PRR5L: variants seen among roughly 807,000 people sequenced by gnomAD.
The protein encoded by PRR5L is proline-rich protein 5-like.
PRR5L carries 21 observed loss-of-function variants against 36.4 expected under a neutral mutation model. That is an observed-to-expected ratio of 0.58 (90% CI 0.41 to 0.83). The LOEUF (loss-of-function observed/expected upper bound fraction) is 0.83. Ranked by LOEUF, PRR5L falls within the 40% of genes least tolerant of loss-of-function variation. The pLI, the probability that PRR5L is intolerant of heterozygous loss-of-function variation, is 0.00. For missense variants in PRR5L, 381 were observed against 473.3 expected, an observed-to-expected ratio of 0.80 and a Z score of 1.81; for synonymous variants, 188 against 197.0, an observed-to-expected ratio of 0.95 and a Z score of 0.38.
chr11:36,391,296 G>T (rs972709769), intron 1 of PRR5L, among the ~76,000 whole-genome samples: 1 of 152,210 alleles, frequency 6.6e-6, no homozygotes, highest in South Asian at 2.1e-4. Flanking sequence ...TTTCCACTAA[G>T]TGCAGCATCT....
intron 1 of PRR5L, among the ~76,000 whole-genome samples, chr11:36,385,377 G>C (rs905016890): frequency 1.3e-5 from 2 of 152,202 alleles, no homozygotes; most frequent in African/African-American, 4.8e-5. Flanking sequence ...TGTTTAACTT[G>C]TATCACAGAA....
At chr11:36,320,750 C>G (rs1260752541) in intron 1 of PRR5L, among the ~76,000 whole-genome samples, 4 of 152,192 alleles carry the variant, frequency 2.6e-5, no homozygotes, top group African/African-American at 9.6e-5. Flanking sequence ...TAGTCTTTTT[C>G]TTACTGTGCA....
At chr11:36,338,531 C>A (rs1157035734) in intron 1 of PRR5L, among the ~76,000 whole-genome samples, 1 of 152,062 alleles carries the variant, frequency 6.6e-6, no homozygotes, top group Non-Finnish European at 1.5e-5. Flanking sequence ...AAGCTAAAAT[C>A]TTTCATTGTT....
chr11:36,401,416 G>A, intron 2 of PRR5L, 131 bp downstream of exon 2: 1 of 888,462 alleles, frequency 1.1e-6, no homozygotes, highest in Non-Finnish European at 1.7e-6. Flanking sequence ...AATGACGAGA[G>A]CAAATTTTCT....
At chr11:36,371,601 A>G (rs1857197652) in intron 1 of PRR5L, among the ~76,000 whole-genome samples, 1 of 152,220 alleles carries the variant, frequency 6.6e-6, no homozygotes, top group Non-Finnish European at 1.5e-5. Flanking sequence ...CATCTACAAA[A>G]GGAGAAAACT....
intron 1 of PRR5L, among the ~76,000 whole-genome samples, chr11:36,392,472 G>A (rs145578173): frequency 2.2e-4 from 34 of 152,106 alleles, no homozygotes; most frequent in Admixed American, 1.2e-3. Flanking sequence ...CATCCTCACC[G>A]GCATTTGCTA....
intron 7 of PRR5L, among the ~76,000 whole-genome samples, chr11:36,449,101 T>C (rs1485785377): frequency 6.6e-6 from 1 of 152,196 alleles, no homozygotes; most frequent in African/African-American, 2.4e-5. Flanking sequence ...ATGTTCTTCC[T>C]TGCCAGGAGC....
chr11:36,399,292 C>T (rs1857737411), intron 1 of PRR5L, among the ~76,000 whole-genome samples: 1 of 152,194 alleles, frequency 6.6e-6, no homozygotes, highest in Non-Finnish European at 1.5e-5. Context: ...CATAAGTCTG[C>T]TTTCCTTAAA....
At position 36,366,413 on chromosome 11, in the gene PRR5L, T is replaced by A. The variant is rs978611912; in HGVS notation, c.-125-34584T>A. Among the ~76,000 whole-genome samples, 37 of 149,216 alleles carry A rather than the reference T, an allele frequency of 2.5e-4. No individual in the cohort carries two copies. The East Asian group carries it at 3.3e-3, about 13-fold the overall frequency. ...AATTCCATATTTGTGTGTGTGTGTG[T>A]GAGAGAGAGAGAGAGAGGACAAAAA... On this transcript the variant is annotated intron_variant, in intron 1 of 8. Transcript: ENST00000530639.
At chr11:36,435,021 T>C (rs1858575630) in intron 5 of PRR5L, among the ~76,000 whole-genome samples, 2 of 152,080 alleles carry the variant, frequency 1.3e-5, no homozygotes, top group Admixed American at 1.3e-4. Context: ...TTCCCCTCCT[T>C]CAGGTCAAGA....
chr11:36,379,681 T>A (rs1857336720), intron 1 of PRR5L, among the ~76,000 whole-genome samples: 3 of 152,216 alleles, frequency 2.0e-5, no homozygotes. Context: ...CAGAAAGCAC[T>A]GTTTTACAAG....
At chr11:36,438,490 AT>A (rs1858651490) in intron 6 of PRR5L, among the ~76,000 whole-genome samples, 1 of 152,148 alleles carries the variant, frequency 6.6e-6, no homozygotes, top group Admixed American at 6.5e-5. Context: ...TATAGATTCC[AT>A]TTTCCATGTT....
At chr11:36,354,877 G>A (rs1857009974) in intron 1 of PRR5L, among the ~76,000 whole-genome samples, 1 of 152,166 alleles carries the variant, frequency 6.6e-6, no homozygotes, top group African/African-American at 2.4e-5. Flanking sequence ...AGACTAAACT[G>A]GAAAAAATCT....
At chr11:36,301,785 G>A (rs2133448423) in intron 1 of PRR5L, among the ~76,000 whole-genome samples, 1 of 152,266 alleles carries the variant, frequency 6.6e-6, no homozygotes, top group Non-Finnish European at 1.5e-5. Flanking sequence ...AAATGACTGG[G>A]AAAATTTGAA....
intron 3 of PRR5L, among the ~76,000 whole-genome samples, chr11:36,408,678 G>A (rs904536810): frequency 6.6e-6 from 1 of 152,112 alleles, no homozygotes; most frequent in Non-Finnish European, 1.5e-5. Context: ...TAGAGGTTTG[G>A]GTTTCATGAG....
chr11:36,359,325 C>T (rs1434477571), intron 1 of PRR5L, among the ~76,000 whole-genome samples: 1 of 152,204 alleles, frequency 6.6e-6, no homozygotes, highest in East Asian at 1.9e-4. Flanking sequence ...AGGCCACAGT[C>T]ACTTCCTTCG....
intron 1 of PRR5L, among the ~76,000 whole-genome samples, chr11:36,363,503 G>T (rs1857114417): frequency 6.6e-6 from 1 of 152,066 alleles, no homozygotes; most frequent in Non-Finnish European, 1.5e-5. Flanking sequence ...AAGCTCTTTT[G>T]CCCCTTCTGA....
Position 36,298,598 on chromosome 11 carries a change from A to T in PRR5L, c.-126+2160A>T, listed in dbSNP as rs1031279909. Among the ~76,000 whole-genome samples the T allele has an allele frequency of 3.3e-5, 5 of 152,194 alleles. No homozygotes were observed. The South Asian group carries it at 1.0e-3, about 31-fold the overall frequency. ...TGGAGCTCAGGTGGTAATGTGAATG[A>T]TTGGGAGCAGCTGTAAATATGGATG... is the stretch of plus-strand genomic sequence containing the variant. On this transcript the variant is annotated intron_variant, in intron 1 of 8. Coordinates refer to ENST00000530639, the MANE Select transcript of PRR5L (RefSeq NM_001160167.2).
intron 1 of PRR5L, among the ~76,000 whole-genome samples, chr11:36,325,097 CT>C: frequency 6.6e-6 from 1 of 152,256 alleles, no homozygotes; most frequent in Non-Finnish European, 1.5e-5. Context: ...GGTTCTTGGC[CT>C]CACGGATTCC....
Sources: gnomAD v4.1 joint callset for allele counts (sites outside exome capture counted in the v4.1 genomes callset) on GRCh38, gnomAD v4.1.1 for gene constraint, MANE v1.5 for transcripts, NCBI Gene and HGNC (gene_info 2026-07-23, HGNC 2026-07-21) for gene names.